Variants in CEP128 observed in about 807,000 individuals in gnomAD.
The protein encoded by CEP128 is centrosomal protein 128.
In CEP128, 132 loss-of-function variants were observed where a neutral mutation model predicts 156.7. The ratio of observed to expected loss-of-function variants is 0.84; its 90% confidence interval spans 0.73 to 0.97. CEP128 has a LOEUF of 0.97. Ranked by LOEUF, CEP128 falls within the 50% of genes least tolerant of loss-of-function variation. CEP128 has a pLI of 0.00. For missense variants in CEP128, 1,252 were observed against 1,281.9 expected (o/e 0.98, Z 0.36); for synonymous variants, 469 against 448.9 (o/e 1.04, Z -0.57).
At chr14:80,709,169 C>T (rs865944102) in intron 19 of CEP128, among the ~76,000 whole-genome samples, 5 of 149,190 alleles carry the variant, frequency 3.4e-5, no homozygotes, top group South Asian at 2.1e-4. Context: ...GACGGAGTTT[C>T]GCTCTTGTCA....
At position 80,914,187 on chromosome 14, in the gene CEP128, A is replaced by G. The variant is rs1375631438; in HGVS notation, c.234+135T>C. On this transcript the variant is annotated intron_variant, in intron 4 of 24. Transcript: ENST00000555265. ...TGACAAGCTAACCTAAACTTAAACT[A>G]TAAAATAATAAATCAGTTTAAAATC... 4 of 596,532 alleles carry G rather than the reference A, an allele frequency of 6.7e-6. No homozygotes were observed. In the Admixed American group the frequency reaches 1.2e-4, roughly 18 times the overall value. The allele number at this position is 596,532 out of a possible 1,614,324, so 37.0% of individuals were successfully genotyped here.
chr14:80,710,995 C>T lies in CEP128; in HGVS notation c.2806+32080G>A, dbSNP rs540843254. On this transcript the variant is annotated intron_variant, in intron 19 of 24. Transcript: ENST00000555265. Reference sequence around the variant, plus strand: ...GTAAATCTTGATAACTTATCAAATACAATGAACATCCATCCTCTTAAGAGA... The same window carrying T: ...GTAAATCTTGATAACTTATCAAATATAATGAACATCCATCCTCTTAAGAGA... Among the ~76,000 whole-genome samples the T allele has an allele frequency of 3.3e-5, 5 of 152,212 alleles. No individual in the cohort carries two copies. The South Asian group carries it at 1.0e-3, about 32-fold the overall frequency.
intron 21 of CEP128, among the ~76,000 whole-genome samples, chr14:80,554,336 T>G (rs1890338315): frequency 1.3e-5 from 2 of 152,158 alleles, no homozygotes; most frequent in African/African-American, 2.4e-5. Context: ...ATTCCCTTAC[T>G]TACTCTTATG....
intron 23 of CEP128, 110 bp from the exon 24 acceptor site, chr14:80,505,130 A>T (rs1226539540): frequency 5.0e-6 from 2 of 397,220 alleles, no homozygotes; most frequent in Non-Finnish European, 9.2e-6. Context: ...TATGTTGTAC[A>T]TGCACAATTT....
At chr14:80,797,939 AG>A (rs1389780061) in intron 13 of CEP128, among the ~76,000 whole-genome samples, 1 of 152,146 alleles carries the variant, frequency 6.6e-6, no homozygotes, top group Non-Finnish European at 1.5e-5. Flanking sequence ...ATATTCCTGG[AG>A]GCATCTTCTA....
At chr14:80,701,389 G>A (rs1355957822) in intron 19 of CEP128, among the ~76,000 whole-genome samples, 1 of 152,108 alleles carries the variant, frequency 6.6e-6, no homozygotes, top group Admixed American at 6.6e-5. Flanking sequence ...CAGTGCTACA[G>A]GGAAGCGCTG....
At chr14:80,881,633 C>T (rs995250832) in intron 8 of CEP128, among the ~76,000 whole-genome samples, 17 of 152,236 alleles carry the variant, frequency 1.1e-4, no homozygotes, top group African/African-American at 3.6e-4. Context: ...AAGGAAACTA[C>T]AAGCCAATAT....
chr14:80,864,020 AG>A (rs1391043738), intron 8 of CEP128, among the ~76,000 whole-genome samples: 3 of 152,234 alleles, frequency 2.0e-5, no homozygotes, highest in African/African-American at 7.2e-5. Flanking sequence ...ACCACTGCTG[AG>A]ATAGCAAGAC....
chr14:80,589,054 T>A (rs992829724), intron 19 of CEP128, among the ~76,000 whole-genome samples: 5 of 152,242 alleles, frequency 3.3e-5, no homozygotes, highest in Middle Eastern at 3.4e-3. Context: ...GTGGGTCCAA[T>A]GTAATCAGAA....
At chr14:80,718,461 A>T (rs1025685696) in intron 19 of CEP128, among the ~76,000 whole-genome samples, 2 of 152,226 alleles carry the variant, frequency 1.3e-5, no homozygotes, top group Admixed American at 1.3e-4. Context: ...CATACAGTCT[A>T]CAAGTTTACA....
intron 12 of CEP128, among the ~76,000 whole-genome samples, 185 bp downstream of exon 12, chr14:80,836,020 A>C (rs560906953): frequency 6.6e-6 from 1 of 152,224 alleles, no homozygotes; most frequent in Non-Finnish European, 1.5e-5. Flanking sequence ...CCAAGCAGGG[A>C]AGATATTAAA....
intron 19 of CEP128, among the ~76,000 whole-genome samples, chr14:80,709,993 T>TAA (rs571951948): frequency 1.3e-3 from 187 of 146,456 alleles, no homozygotes; most frequent in African/African-American, 4.0e-3. Context: ...GGAATTGTCT[T>TAA]AAAAAAAAAA....
chr14:80,886,518 C>G (rs898197345), intron 8 of CEP128, among the ~76,000 whole-genome samples: 7 of 152,146 alleles, frequency 4.6e-5, no homozygotes, highest in Admixed American at 6.5e-5. Context: ...AATTTCATAT[C>G]CAGCCAAACT....
intron 13 of CEP128, among the ~76,000 whole-genome samples, chr14:80,828,701 T>A (rs2140032706): frequency 6.6e-6 from 1 of 152,212 alleles, no homozygotes; most frequent in Non-Finnish European, 1.5e-5. Flanking sequence ...AAAAAAGGAA[T>A]TATTTGACAA....
intron 19 of CEP128, among the ~76,000 whole-genome samples, chr14:80,651,486 CT>C (rs1894902232): frequency 6.6e-6 from 1 of 151,974 alleles, no homozygotes; most frequent in Admixed American, 6.6e-5. Context: ...TCTTGTTTCT[CT>C]AGTTCTTTTA....
intron 2 of CEP128, among the ~76,000 whole-genome samples, chr14:80,922,977 C>G (rs150995014): frequency 6.6e-6 from 1 of 152,182 alleles, no homozygotes; most frequent in Non-Finnish European, 1.5e-5. Flanking sequence ...TTCTTATTAA[C>G]AAGAAAGCAA....
At chr14:80,934,849 G>T (rs1566725225) in intron 2 of CEP128, among the ~76,000 whole-genome samples, 1 of 152,128 alleles carries the variant, frequency 6.6e-6, no homozygotes, top group Non-Finnish European at 1.5e-5. Flanking sequence ...GTAAAATTAT[G>T]AGACTATAAC....
rs563224780 is a variant in CEP128, at chr14:80,636,485, G to A, written c.2807-56062C>T. ...TTTCTTCTACTATTGTTGCCTCCAG[G>A]CTTTGCAGAAACACATGTTATTCTC... On this transcript the variant is annotated intron_variant, in intron 19 of 24. Transcript: ENST00000555265. Among the ~76,000 whole-genome samples the A allele has an allele frequency of 1.6e-4, 25 of 152,102 alleles. No homozygotes were observed. The South Asian group carries it at 5.0e-3, about 30-fold the overall frequency.
At chr14:80,787,663 G>A (rs1776402905) in intron 14 of CEP128, among the ~76,000 whole-genome samples, 1 of 152,082 alleles carries the variant, frequency 6.6e-6, no homozygotes, top group South Asian at 2.1e-4. Context: ...GCATGGGAGG[G>A]ACTGAGCGAG....
Sources: allele counts gnomAD v4.1 joint callset (sites outside exome capture counted in the v4.1 genomes callset), GRCh38; gene constraint gnomAD v4.1.1; transcripts MANE v1.5; gene names NCBI Gene and HGNC (gene_info 2026-07-23, HGNC 2026-07-21).